Variants in RGR observed in about 807,000 individuals in gnomAD.
RGR encodes RPE-retinal G protein-coupled receptor.
RGR carries 30 observed loss-of-function variants against 28.6 expected under a neutral mutation model. That is an observed-to-expected ratio of 1.05 (90% CI 0.78 to 1.42). RGR has a LOEUF of 1.42. RGR is among the 40% of genes most tolerant of loss of function. RGR has a pLI of 0.00. For missense variants in RGR, 404 were observed against 375.6 expected, an observed-to-expected ratio of 1.08 and a Z score of -0.62; for synonymous variants, 180 against 156.4, an observed-to-expected ratio of 1.15 and a Z score of -1.13.
intron 4 of RGR, 118 bp from the exon 5 acceptor site, chr10:84,254,208 C>T (rs1318705103): frequency 3.3e-6 from 3 of 895,556 alleles, no homozygotes; most frequent in Admixed American, 1.7e-5. Flanking sequence ...ACACTGCGAG[C>T]TTGTCTGAAT....
In RGR at chr10:84,258,575, T is replaced by C. The variant is rs751657657; in HGVS notation, c.812T>C (p.Met271Thr). The change falls in exon 7 of 7, where the codon ATG (methionine) becomes ACG (threonine). Residue 271 changes from methionine (M) to threonine (T), a missense_variant. Met to Thr is a moderately conservative substitution (Grantham distance 81). Coordinates refer to ENST00000652092, the MANE Select transcript of RGR (RefSeq NM_001012720.2). ...NAINYALGNE[M>T]VCRGIWQCLS... is the part of the protein sequence containing the mutation. ...ATCAACTATGCCCTGGGCAATGAGATGGTCTGCAGGGGAATCTGGCAGTGC... is the reference window on the plus strand; with the variant it reads ...ATCAACTATGCCCTGGGCAATGAGACGGTCTGCAGGGGAATCTGGCAGTGC... 6.2e-7 allele frequency: 1 copy of C among 1,614,208 alleles called. No individual in the cohort carries two copies. Among genetic ancestry groups the C allele is most frequent in the South Asian group, 1.1e-5 (1 of 91,076 alleles).
intron 3 of RGR, chr10:84,250,644 A>C (rs1197891179): frequency 1.7e-6 from 1 of 582,262 alleles, no homozygotes; most frequent in Non-Finnish European, 3.1e-6. Context: ...CCCTTTCTAT[A>C]CTGAGAGCAT....
chr10:84,258,494 T>C lies in RGR; in HGVS notation c.745-14T>C. ...GCTTTGAAGCTTCTTTTCTGGACTT[T>C]TCTGCCACAACAGGTGCCCGCCCTC... On this transcript the variant is annotated splice_polypyrimidine_tract_variant and intron_variant, in intron 6 of 6. Transcript: ENST00000652092. 1 of 1,614,154 alleles carries C rather than the reference T, an allele frequency of 6.2e-7. No individual in the cohort carries two copies. The highest frequency in any genetic ancestry group is 8.5e-7 in the Non-Finnish European group (1 of 1,180,010).
In RGR at chr10:84,259,802, A is replaced by G. The variant is rs1229932298; in HGVS notation, c.*1163A>G. On this transcript the variant is annotated 3_prime_UTR_variant, in exon 7 of 7. Coordinates refer to ENST00000652092, the MANE Select transcript of RGR (RefSeq NM_001012720.2). ...TATATTCTGGATAATAGTCTGGATA[A>G]TATATTCTGGATAATATATAATAGT... 1.3e-5 allele frequency: 2 copies of G among 152,050 alleles called. No homozygotes were observed. Among genetic ancestry groups the G allele is most frequent in the African/African-American group, 4.8e-5 (2 of 41,396 alleles). 9.4% of individuals were successfully genotyped at this position (152,050 alleles called of 1,614,324 possible).
rs763409319 is a variant in RGR at position 84,258,643 on chromosome 10, T to TGGAGTGAGCCC, written c.*5_*6insGAGTGAGCCCG. Reference sequence around the variant, plus strand: ...GGAGAAGGACCGAACCAAGTGAGCCTGCCACCCTGGAGTGAGCCCCAGGCC... The same window carrying TGGAGTGAGCCC: ...GGAGAAGGACCGAACCAAGTGAGCCTGGAGTGAGCCCGCCACCCTGGAGTGAGCCCCAGGCC... On this transcript the variant is annotated 3_prime_UTR_variant, in exon 7 of 7. Transcript: ENST00000652092. 1.2e-6 allele frequency: 2 copies of TGGAGTGAGCCC among 1,614,060 alleles called. No homozygotes were observed. Among genetic ancestry groups the TGGAGTGAGCCC allele is most frequent in the African/African-American group, 2.7e-5 (2 of 75,042 alleles).
chr10:84,252,957 C>G lies in RGR; in HGVS notation c.459C>G (p.Tyr153Ter), dbSNP rs1042454. The G allele has an allele frequency of 3.7e-6, 6 of 1,613,746 alleles. No individual in the cohort carries two copies. In the South Asian group the frequency reaches 6.6e-5, roughly 18 times the overall value. ...TGCCCCTTCTGGGTTGGGGTCACTA[C>G]GACTATGAGCCACTGGGGACATGCT... Reference protein sequence around the residue: ...AALPLLGWGHYDYEPLGTCCT... With the variant: ...AALPLLGWGH Residue 153 changes from tyrosine to a stop codon, truncating the protein, a stop_gained, in exon 4 of 7, where the codon TAC becomes TAG. Coordinates refer to ENST00000652092, the MANE Select transcript of RGR (RefSeq NM_001012720.2). LOFTEE classifies it high-confidence loss of function.
chr10:84,258,738 A>T lies in RGR; in HGVS notation c.*99A>T. ...GCCCAGACACTCACCCACCTTCCCC[A>T]GTGGCCCCGTGGATCCTGGTCCTAG... On this transcript the variant is annotated 3_prime_UTR_variant, in exon 7 of 7. Coordinates refer to ENST00000652092, the MANE Select transcript of RGR (RefSeq NM_001012720.2). 1 of 1,522,466 alleles carries T rather than the reference A, an allele frequency of 6.6e-7. No individual in the cohort carries two copies. The highest frequency in any genetic ancestry group is 8.9e-7 in the Non-Finnish European group (1 of 1,123,710). The allele number at this position is 1,522,466 out of a possible 1,614,324, so 94.3% of individuals were successfully genotyped here. A position where few individuals can be genotyped will look rare whatever the true frequency, so the allele number is the denominator to read the frequency against.
In RGR at chr10:84,259,786, G is replaced by T. The variant is rs1304910800; in HGVS notation, c.*1147G>T. ...TTATTTGAGTTTCTTATATATTCTG[G>T]ATAATAGTCTGGATAATATATTCTG... is the stretch of plus-strand genomic sequence containing the variant. On this transcript the variant is annotated 3_prime_UTR_variant, in exon 7 of 7. Coordinates refer to ENST00000652092, the MANE Select transcript of RGR (RefSeq NM_001012720.2). 6.6e-6 allele frequency: 1 copy of T among 151,846 alleles called. No homozygotes were observed. Among genetic ancestry groups the T allele is most frequent in the Non-Finnish European group, 1.5e-5 (1 of 67,996 alleles). 9.4% of individuals were successfully genotyped at this position (151,846 alleles called of 1,614,324 possible).
chr10:84,247,461 T>A, intron 1 of RGR, 130 bp from the exon 2 acceptor site: 1 of 1,109,560 alleles, frequency 9.0e-7, no homozygotes. Flanking sequence ...GCATGAAGCA[T>A]GCTACCCTAT....
chr10:84,250,309 T>C, intron 3 of RGR: 1 of 713,604 alleles, frequency 1.4e-6, no homozygotes, highest in East Asian at 2.7e-5. Context: ...TCCCTTGCCA[T>C]AGTCACATGT....
intron 3 of RGR, chr10:84,251,035 G>C (rs1156371015): frequency 6.6e-6 from 1 of 152,096 alleles, no homozygotes; most frequent in African/African-American, 2.4e-5. Flanking sequence ...AGGAGTTCGA[G>C]ACCAGCCTGG....
In RGR at chr10:84,258,640, G is replaced by A. The variant is rs763122544; in HGVS notation, c.*1G>A. Reference sequence around the variant, plus strand: ...GAGGGAGAAGGACCGAACCAAGTGAGCCTGCCACCCTGGAGTGAGCCCCAG... The same window carrying A: ...GAGGGAGAAGGACCGAACCAAGTGAACCTGCCACCCTGGAGTGAGCCCCAG... On this transcript the variant is annotated 3_prime_UTR_variant, in exon 7 of 7. Coordinates refer to ENST00000652092, the MANE Select transcript of RGR (RefSeq NM_001012720.2). 1.2e-6 allele frequency: 2 copies of A among 1,614,132 alleles called. No homozygotes were observed. Among genetic ancestry groups the A allele is most frequent in the Admixed American group, 1.7e-5 (1 of 60,034 alleles).
rs1842927001 is a variant in RGR at position 84,259,384 on chromosome 10, T to G, written c.*745T>G. The G allele has an allele frequency of 6.6e-6, 1 of 152,510 alleles. No homozygotes were observed. The highest frequency in any genetic ancestry group is 6.5e-5 in the Admixed American group (1 of 15,320). 9.4% of individuals were successfully genotyped at this position (152,510 alleles called of 1,614,324 possible). A position where few individuals can be genotyped will look rare whatever the true frequency, so the allele number is the denominator to read the frequency against. On this transcript the variant is annotated 3_prime_UTR_variant, in exon 7 of 7. Transcript: ENST00000652092. ...GTTTCTTTTTGATATACTGATTTCTTTTCCTTTGGGTAGATACCAGTAGTA... is the reference window on the plus strand; with the variant it reads ...GTTTCTTTTTGATATACTGATTTCTGTTCCTTTGGGTAGATACCAGTAGTA...
At chr10:84,254,613 G>A (rs765563305) in intron 5 of RGR, among the ~76,000 whole-genome samples, 170 bp downstream of exon 5, 4 of 152,232 alleles carry the variant, frequency 2.6e-5, no homozygotes, top group Admixed American at 6.5e-5. Flanking sequence ...AGGGGAGGGT[G>A]GACCAATCTC....
chr10:84,254,564 C>A, intron 5 of RGR, 121 bp downstream of exon 5: 1 of 881,874 alleles, frequency 1.1e-6, no homozygotes, highest in Non-Finnish European at 1.9e-6. Flanking sequence ...ATTGCTTTTG[C>A]AGCAAAAGCT....
chr10:84,253,098 C>A, intron 4 of RGR, 88 bp downstream of exon 4: 3 of 1,436,784 alleles, frequency 2.1e-6, no homozygotes, highest in South Asian at 2.5e-5. Context: ...GCTGAAAATC[C>A]AAATGGGGAA....
At chr10:84,248,288 G>C in intron 2 of RGR, 2 of 826,294 alleles carry the variant, frequency 2.4e-6, no homozygotes, top group Middle Eastern at 6.0e-4. Flanking sequence ...GTCATAACTA[G>C]CTAGTGTCTA....
At chr10:84,249,389 T>G (rs1564548997) in intron 3 of RGR, among the ~76,000 whole-genome samples, 1 of 152,238 alleles carries the variant, frequency 6.6e-6, no homozygotes. Context: ...CTCGGCTCAC[T>G]GCAACCTCGG....
chr10:84,246,556 A>C (rs926225861), intron 1 of RGR, among the ~76,000 whole-genome samples: 5 of 152,226 alleles, frequency 3.3e-5, no homozygotes, highest in African/African-American at 1.2e-4. Context: ...GTAATAAGAC[A>C]TTATTTCATT....
Sources: gnomAD v4.1 joint callset for allele counts (sites outside exome capture counted in the v4.1 genomes callset) on GRCh38, gnomAD v4.1.1 for gene constraint, MANE v1.5 for transcripts, NCBI Gene and HGNC (gene_info 2026-07-23, HGNC 2026-07-21) for gene names.